Variants in CEP63 observed in about 807,000 individuals in gnomAD.
The protein encoded by CEP63 is centrosomal protein 63.
CEP63 carries 84 observed loss-of-function variants against 89.1 expected under a neutral mutation model. That is an observed-to-expected ratio of 0.94 (90% CI 0.79 to 1.13). The LOEUF (loss-of-function observed/expected upper bound fraction) is 1.13, where lower values mean the gene tolerates loss of function less well. Ranked by LOEUF, CEP63 falls within the 50% of genes most tolerant of loss-of-function variation. The pLI is 0.00. For synonymous variants in CEP63, 267 were observed against 272.5 expected, an observed-to-expected ratio of 0.98 and a Z score of 0.20; for missense variants, 838 against 813.3, an observed-to-expected ratio of 1.03 and a Z score of -0.37.
the CEP63 span, among the ~76,000 whole-genome samples, chr3:134,632,647 A>C: frequency 6.6e-6 from 1 of 151,978 alleles, no homozygotes. Context: ...TTCTTATTAC[A>C]GAAAAAAGAA....
the CEP63 span, among the ~76,000 whole-genome samples, chr3:134,609,522 A>G: frequency 6.6e-6 from 1 of 152,280 alleles, no homozygotes; most frequent in African/African-American, 2.4e-5. Context: ...GAGAGAGCAC[A>G]CTCATGTTTC....
At chr3:134,557,356 C>G (rs1429770277) in intron 12 of CEP63, among the ~76,000 whole-genome samples, 8 of 122,488 alleles carry the variant, frequency 6.5e-5, no homozygotes, top group African/African-American at 1.0e-4. Context: ...CCACTCTTGA[C>G]CAGCTTACTT....
At chr3:134,759,707 G>A in the CEP63 span, among the ~76,000 whole-genome samples, 3 of 152,228 alleles carry the variant, frequency 2.0e-5, no homozygotes, top group Admixed American at 6.5e-5. Context: ...AACCCTTAAA[G>A]AGGAAATATG....
chr3:134,643,520 C>G, the CEP63 span: 1 of 650,802 alleles, frequency 1.5e-6, no homozygotes, highest in Non-Finnish European at 2.7e-6. Flanking sequence ...CACACCCTCA[C>G]AGTGTGCACA....
the CEP63 span, among the ~76,000 whole-genome samples, chr3:134,628,552 A>C: frequency 1.5e-4 from 23 of 152,328 alleles, 2 homozygotes; most frequent in South Asian, 4.6e-3. Flanking sequence ...TATTCTGAGA[A>C]ACAGTGCTCC....
the CEP63 span, among the ~76,000 whole-genome samples, chr3:134,653,258 A>C: frequency 3.3e-5 from 5 of 152,372 alleles, no homozygotes; most frequent in East Asian, 9.6e-4. Context: ...ATTAGATGCC[A>C]ATCACATTCA....
intron 3 of CEP63, among the ~76,000 whole-genome samples, chr3:134,519,054 T>C (rs931700190): frequency 2.0e-5 from 3 of 151,702 alleles, no homozygotes; most frequent in South Asian, 2.1e-4. Context: ...CATTTAGATA[T>C]AATAAAAAAT....
chr3:134,494,132 T>TTATTTATC (rs1439257093), intron 1 of CEP63, among the ~76,000 whole-genome samples: 3 of 142,676 alleles, frequency 2.1e-5, no homozygotes, highest in Admixed American at 7.2e-5. Context: ...ATTTATTTAT[T>TTATTTATC]TGAGATGGAA....
chr3:134,586,768 T>TA (rs1256565255), intron 10 of CEP63, among the ~76,000 whole-genome samples: 1 of 152,202 alleles, frequency 6.6e-6, no homozygotes, highest in African/African-American at 2.4e-5. Context: ...TTCTCCTGTA[T>TA]AATATCCTGA....
rs1266112867 is a variant in CEP63, at chr3:134,537,932, G to C, written c.555+664G>C. Among the ~76,000 whole-genome samples the C allele has an allele frequency of 2.0e-5, 3 of 152,248 alleles. No individual in the cohort carries two copies. The East Asian group carries it at 5.8e-4, about 29-fold the overall frequency. On this transcript the variant is annotated intron_variant, in intron 6 of 14. Coordinates refer to ENST00000675561, the MANE Select transcript of CEP63 (RefSeq NM_001353108.3). ...CATTGATAGAAACTTTTCTTGTAAT[G>C]GCTTAAGCAAAACCAAAAAACAGAC...
chr3:134,695,927 A>T, the CEP63 span, among the ~76,000 whole-genome samples: 1 of 152,234 alleles, frequency 6.6e-6, no homozygotes, highest in Non-Finnish European at 1.5e-5. Flanking sequence ...ACACTGGTGA[A>T]AACTGAGGCT....
At chr3:134,662,379 C>T in the CEP63 span, among the ~76,000 whole-genome samples, 1 of 151,914 alleles carries the variant, frequency 6.6e-6, no homozygotes, top group African/African-American at 2.4e-5. Context: ...TTCCCATTGT[C>T]TAGAGCTGTA....
the CEP63 span, among the ~76,000 whole-genome samples, chr3:134,728,733 T>C: frequency 2.0e-5 from 3 of 152,338 alleles, no homozygotes; most frequent in African/African-American, 4.8e-5. Flanking sequence ...AAATTTTATA[T>C]GATGCCTTAT....
chr3:134,718,253 G>A, the CEP63 span, among the ~76,000 whole-genome samples: 2 of 152,296 alleles, frequency 1.3e-5, no homozygotes, highest in East Asian at 3.9e-4. Flanking sequence ...TATTAAAGTA[G>A]GTAGAATCTA....
chr3:134,534,872 C>T (rs1296496502), intron 5 of CEP63, among the ~76,000 whole-genome samples: 3 of 152,150 alleles, frequency 2.0e-5, no homozygotes, highest in Non-Finnish European at 1.5e-5. Flanking sequence ...CCCACATCCT[C>T]ACCTTTGGGT....
downstream of CEP63, among the ~76,000 whole-genome samples, chr3:134,578,227 A>G (rs1958257590): frequency 6.6e-6 from 1 of 151,948 alleles, no homozygotes; most frequent in South Asian, 2.1e-4. Context: ...ACTAATTTAC[A>G]TTACCACCAA....
chr3:134,580,285 AAGT>A (rs1958315130), intron 10 of CEP63, among the ~76,000 whole-genome samples: 1 of 152,142 alleles, frequency 6.6e-6, no homozygotes, highest in African/African-American at 2.4e-5. Context: ...CAAATCTATA[AAGT>A]AGTGGTTGCC....
At chr3:134,740,594 G>A in the CEP63 span, among the ~76,000 whole-genome samples, 9 of 152,122 alleles carry the variant, frequency 5.9e-5, no homozygotes, top group South Asian at 2.1e-4. Flanking sequence ...ACCGTGCCCC[G>A]CCTCTTTCTC....
chr3:134,510,781 C>A, intron 3 of CEP63: 1 of 367,076 alleles, frequency 2.7e-6, no homozygotes, highest in South Asian at 2.7e-5. Flanking sequence ...GGTGTCCCAC[C>A]CTGGCTGCAG....
Sources: allele counts gnomAD v4.1 joint callset (sites outside exome capture counted in the v4.1 genomes callset), GRCh38; gene constraint gnomAD v4.1.1; transcripts MANE v1.5; gene names NCBI Gene and HGNC (gene_info 2026-07-23, HGNC 2026-07-21).